The following FBXO27 variants were observed in gnomAD, a reference collection of about 807,000 sequenced individuals.
The protein encoded by FBXO27 is F-box protein 27, also known as F-box only protein 27.
A neutral mutation model predicts 28.3 loss-of-function variants in FBXO27; 28 were observed. The ratio of observed to expected loss-of-function variants is 0.99; its 90% CI spans 0.73 to 1.36. The LOEUF (loss-of-function observed/expected upper bound fraction) is 1.36, where lower values mean the gene tolerates loss of function less well. Among genes scored for constraint, FBXO27 ranks in the 40% most tolerant of loss-of-function variants. The pLI is 0.00. For synonymous variants in FBXO27, 175 were observed against 167.3 expected, an observed-to-expected ratio of 1.05 and a Z score of -0.36; for missense variants, 388 against 394.1, an observed-to-expected ratio of 0.98 and a Z score of 0.13.
At chr19:39,019,587 G>A (rs531234864), downstream of FBXO27, among the ~76,000 whole-genome samples, 55 of 152,028 alleles carry the variant, frequency 3.6e-4, 1 homozygote, top group South Asian at 0.011. Context: ...GCCAGCAAAG[G>A]ATGGTTTGAT....
At chr19:39,028,563 C>T (rs906153702) in intron 4 of FBXO27, among the ~76,000 whole-genome samples, 19 of 151,484 alleles carry the variant, frequency 1.3e-4, no homozygotes, top group Middle Eastern at 7.2e-3. Flanking sequence ...GGCAAAACCC[C>T]GTCTCTACAG....
At chr19:39,031,418 A>G (rs1339476113) in intron 2 of FBXO27, 98 bp from the exon 3 acceptor site, 5 of 1,087,208 alleles carry the variant, frequency 4.6e-6, no homozygotes, top group East Asian at 5.1e-5. Context: ...CTCACAGTGC[A>G]GCTCACTCAC....
chr19:39,023,795 A>G (rs2072857401), downstream of FBXO27, among the ~76,000 whole-genome samples: 1 of 151,996 alleles, frequency 6.6e-6, no homozygotes, highest in South Asian at 2.1e-4. Context: ...TTGTATTTTT[A>G]GTAGAGACAG....
At chr19:39,014,007 C>T (rs962196878) in intron 2 of FBXO27, among the ~76,000 whole-genome samples, 1 of 151,898 alleles carries the variant, frequency 6.6e-6, no homozygotes, top group Non-Finnish European at 1.5e-5. Context: ...AGTGAGACTC[C>T]GTCTCAAAAA....
At chr19:39,013,628 T>TA (rs1042761173) in intron 2 of FBXO27, among the ~76,000 whole-genome samples, 1 of 150,018 alleles carries the variant, frequency 6.7e-6, no homozygotes, top group African/African-American at 2.5e-5. Flanking sequence ...AGACTCCGTC[T>TA]AAAAAAAAAT....
chr19:39,015,686 A>T (rs1050948261), intron 1 of FBXO27, among the ~76,000 whole-genome samples: 1 of 152,150 alleles, frequency 6.6e-6, no homozygotes. Context: ...ACTACATATC[A>T]CTAAGTAAGA....
downstream of FBXO27, among the ~76,000 whole-genome samples, chr19:39,021,721 G>A (rs956017612): frequency 4.0e-5 from 6 of 151,874 alleles, no homozygotes; most frequent in South Asian, 4.2e-4. Context: ...GGAGTGCAGC[G>A]GTGCAATCTT....
intron 1 of FBXO27, among the ~76,000 whole-genome samples, chr19:39,015,350 G>C (rs2072814880): frequency 7.4e-6 from 1 of 135,114 alleles, no homozygotes; most frequent in South Asian, 2.3e-4. Flanking sequence ...AAAAAAAAAG[G>C]CTGAGTGTGG....
intron 2 of FBXO27, among the ~76,000 whole-genome samples, chr19:39,006,697 G>A (rs1052613166): frequency 2.0e-5 from 3 of 152,120 alleles, no homozygotes; most frequent in African/African-American, 7.2e-5. Flanking sequence ...GGCACAGCAA[G>A]TACAGCTGAC....
downstream of FBXO27, among the ~76,000 whole-genome samples, chr19:39,019,251 G>A (rs2072833567): frequency 1.3e-5 from 2 of 148,254 alleles, no homozygotes; most frequent in Non-Finnish European, 3.0e-5. Context: ...GTGAAACCCC[G>A]TCTCTACTAA....
chr19:39,030,112 G>A (rs2072894134), intron 4 of FBXO27, among the ~76,000 whole-genome samples: 1 of 152,082 alleles, frequency 6.6e-6, no homozygotes, highest in South Asian at 2.1e-4. Flanking sequence ...AGAGTGCTGG[G>A]ATTACAGGCA....
chr19:39,029,611 C>T (rs899630487), intron 4 of FBXO27, among the ~76,000 whole-genome samples: 9 of 151,982 alleles, frequency 5.9e-5, no homozygotes, highest in Non-Finnish European at 1.0e-4. Flanking sequence ...ATACTTCCCA[C>T]ACAGATGTAA....
chr19:39,011,331 T>C (rs930553833), intron 2 of FBXO27, among the ~76,000 whole-genome samples: 3 of 152,078 alleles, frequency 2.0e-5, no homozygotes, highest in Admixed American at 2.0e-4. Flanking sequence ...ACCTGGAAGG[T>C]GGAGGCATGA....
intron 2 of FBXO27, among the ~76,000 whole-genome samples, chr19:39,008,857 A>C (rs2072782050): frequency 6.6e-6 from 1 of 152,100 alleles, no homozygotes; most frequent in African/African-American, 2.4e-5. Flanking sequence ...GTCTCGCTCC[A>C]TCGCCCAGGC....
chr19:39,006,455 A>G (rs1238648313), intron 2 of FBXO27, among the ~76,000 whole-genome samples: 1 of 152,050 alleles, frequency 6.6e-6, no homozygotes, highest in African/African-American at 2.4e-5. Flanking sequence ...GCTATTCGAG[A>G]GGCTGAGGTA....
At chr19:39,007,602 T>C (rs1269734023) in intron 2 of FBXO27, among the ~76,000 whole-genome samples, 1 of 151,362 alleles carries the variant, frequency 6.6e-6, no homozygotes. Flanking sequence ...TCTCCCCAGA[T>C]GCCAAGTTTG....
At chr19:39,013,486 C>T (rs1030874602) in intron 2 of FBXO27, among the ~76,000 whole-genome samples, 1 of 151,740 alleles carries the variant, frequency 6.6e-6, no homozygotes, top group African/African-American at 2.4e-5. Flanking sequence ...AAAAATTAGC[C>T]AGGCATGGTG....
downstream of FBXO27, among the ~76,000 whole-genome samples, chr19:39,020,662 G>A (rs148303732): frequency 7.2e-3 from 1,074 of 148,996 alleles, 14 homozygotes; most frequent in Non-Finnish European, 9.0e-3. Flanking sequence ...ATAAATTCCT[G>A]CAGGAGAAAA....
At chr19:39,016,668 C>T (rs893374534) in intron 1 of FBXO27, among the ~76,000 whole-genome samples, 2 of 148,816 alleles carry the variant, frequency 1.3e-5, no homozygotes, top group African/African-American at 5.0e-5. Context: ...ACCTGTAATT[C>T]CAGCTACTCA....
Sources: allele counts gnomAD v4.1 joint callset (sites outside exome capture counted in the v4.1 genomes callset), GRCh38; gene constraint gnomAD v4.1.1; transcripts MANE v1.5; gene names NCBI Gene and HGNC (gene_info 2026-07-23, HGNC 2026-07-21).